EPHA6: variants seen among roughly 807,000 people sequenced by gnomAD.
The protein encoded by EPHA6 is ephrin type-A receptor 6.
Under a neutral mutation model 112.0 loss-of-function variants are expected in EPHA6, and 50 were observed. The observed-to-expected ratio is 0.45, with a 90% CI of 0.36 to 0.56. The LOEUF is 0.56. Ranked by LOEUF, EPHA6 falls within the 20% of genes least tolerant of loss-of-function variation. The pLI is 0.00. For missense variants in EPHA6, 1,280 were observed against 1,417.4 expected (o/e 0.90, Z 1.56); for synonymous variants, 529 against 490.7 (o/e 1.08, Z -1.03).
chr3:97,087,937 A>G (rs1295117159), intron 3 of EPHA6, among the ~76,000 whole-genome samples: 4 of 152,036 alleles, frequency 2.6e-5, no homozygotes, highest in African/African-American at 9.7e-5. Flanking sequence ...TAATCCTAAC[A>G]CTTTGGGAGG....
chr3:97,273,266 A>C (rs1181037885), intron 5 of EPHA6, among the ~76,000 whole-genome samples: 1 of 152,192 alleles, frequency 6.6e-6, no homozygotes, highest in Non-Finnish European at 1.5e-5. Context: ...ATTTACTTTA[A>C]GTGTTAAGAG....
chr3:97,319,305 A>C (rs2081990554), intron 5 of EPHA6, among the ~76,000 whole-genome samples: 1 of 151,638 alleles, frequency 6.6e-6, no homozygotes, highest in South Asian at 2.1e-4. Context: ...CCTTTTCAGC[A>C]TTGACATGGC....
chr3:97,509,406 G>T (rs193194037), intron 10 of EPHA6, among the ~76,000 whole-genome samples: 2 of 152,172 alleles, frequency 1.3e-5, no homozygotes, highest in African/African-American at 4.8e-5. Flanking sequence ...CTCAGCGTTT[G>T]CTTGTCTGTA....
chr3:97,680,910 G>GA (rs2031810095), intron 14 of EPHA6, among the ~76,000 whole-genome samples: 1 of 152,128 alleles, frequency 6.6e-6, no homozygotes, highest in African/African-American at 2.4e-5. Context: ...CTTTTGTAAT[G>GA]AAAATCTATC....
At chr3:96,920,644 T>C (rs889835180) in intron 2 of EPHA6, among the ~76,000 whole-genome samples, 7 of 147,758 alleles carry the variant, frequency 4.7e-5, no homozygotes, top group Admixed American at 4.0e-4. Flanking sequence ...GTAAGGATTG[T>C]GTGTGTGTGT....
intron 1 of EPHA6, among the ~76,000 whole-genome samples, chr3:96,841,725 A>AT (rs11388996): frequency 0.25 from 38,222 of 151,856 alleles, 9,007 homozygotes; most frequent in African/African-American, 0.6. Context: ...AACTTTTGTC[A>AT]TTTTTTTCTA....
intron 3 of EPHA6, among the ~76,000 whole-genome samples, chr3:97,141,454 C>A (rs1172304290): frequency 6.6e-6 from 1 of 151,562 alleles, no homozygotes; most frequent in Non-Finnish European, 1.5e-5. Flanking sequence ...TCAATAAAAT[C>A]AAAAAAATAA....
chr3:97,616,114 A>C (rs1231979453), intron 13 of EPHA6, among the ~76,000 whole-genome samples: 2 of 152,178 alleles, frequency 1.3e-5, no homozygotes, highest in African/African-American at 4.8e-5. Flanking sequence ...GAGCTCACAG[A>C]GGAAGGGCCA....
chr3:97,467,875 T>TA (rs957350089), intron 7 of EPHA6, among the ~76,000 whole-genome samples: 17 of 151,418 alleles, frequency 1.1e-4, no homozygotes, highest in East Asian at 1.9e-4. Context: ...TCTCTTAAAA[T>TA]AAAAAAAAGT....
intron 1 of EPHA6, among the ~76,000 whole-genome samples, chr3:96,824,024 G>C (rs1348279302): frequency 6.6e-6 from 1 of 151,794 alleles, no homozygotes; most frequent in Non-Finnish European, 1.5e-5. Flanking sequence ...TTGTCTTACT[G>C]TGTTATGGTA....
chr3:97,431,213 T>G (rs1460366034), intron 6 of EPHA6, among the ~76,000 whole-genome samples: 1 of 152,150 alleles, frequency 6.6e-6, no homozygotes, highest in Non-Finnish European at 1.5e-5. Flanking sequence ...TTTTCACATA[T>G]GTGTATATTT....
chr3:97,429,996 C>G (rs561470540), intron 6 of EPHA6, among the ~76,000 whole-genome samples: 3 of 152,278 alleles, frequency 2.0e-5, no homozygotes, highest in Admixed American at 6.5e-5. Context: ...CTAAGCCAGA[C>G]AAGCTTCCAA....
At chr3:97,266,458 CATGATTTAAAGAGG>C (rs2079687027) in intron 5 of EPHA6, among the ~76,000 whole-genome samples, 1 of 151,770 alleles carries the variant, frequency 6.6e-6, no homozygotes, top group South Asian at 2.1e-4. Flanking sequence ...TTCACATGAG[CATGATTTAAAGAGG>C]ATCTCATGTT....
chr3:97,759,407 A>C lies in EPHA6; in HGVS notation c.*10706A>C, dbSNP rs1300412357. 4.4e-6 allele frequency: 1 copy of C among 226,080 alleles called. No individual in the cohort carries two copies. The highest frequency in any genetic ancestry group is 5.7e-5 in the Admixed American group (1 of 17,534). The allele number at this position is 226,080 out of a possible 1,614,324, so 14.0% of individuals were successfully genotyped here. On this transcript the variant is annotated 3_prime_UTR_variant, in exon 18 of 18. Transcript: ENST00000389672. The stretch of plus-strand genomic sequence containing the variant: ...GCTTTGATGTAAAGGGAGCAAGAGA[A>C]ATAGGATAATAGCTGGAGAAAGGAA...
chr3:97,334,636 T>C (rs1172746007), intron 5 of EPHA6, among the ~76,000 whole-genome samples: 1 of 151,988 alleles, frequency 6.6e-6, no homozygotes, highest in African/African-American at 2.4e-5. Flanking sequence ...TGTGTCACCA[T>C]GCCCAGATAA....
intron 3 of EPHA6, among the ~76,000 whole-genome samples, chr3:96,989,198 G>T (rs1279687873): frequency 6.6e-6 from 1 of 152,060 alleles, no homozygotes; most frequent in Non-Finnish European, 1.5e-5. Context: ...AATGGTCATG[G>T]ATAATATATG....
At chr3:97,432,337 G>A (rs1014378328) in intron 6 of EPHA6, among the ~76,000 whole-genome samples, 11 of 152,068 alleles carry the variant, frequency 7.2e-5, no homozygotes, top group African/African-American at 1.2e-4. Flanking sequence ...ATTTAATTAC[G>A]TTCACAACAG....
At chr3:96,894,132 T>C (rs2038132368) in intron 2 of EPHA6, among the ~76,000 whole-genome samples, 2 of 152,076 alleles carry the variant, frequency 1.3e-5, no homozygotes, top group East Asian at 1.9e-4. Context: ...GGGCTACATA[T>C]TGAATTCATT....
At chr3:97,217,317 G>A (rs77459482) in intron 3 of EPHA6, among the ~76,000 whole-genome samples, 1 of 152,032 alleles carries the variant, frequency 6.6e-6, no homozygotes, top group East Asian at 1.9e-4. Context: ...ATTCAACAAA[G>A]AAGATAAAAC....
Sources: gnomAD v4.1 joint callset for allele counts (sites outside exome capture counted in the v4.1 genomes callset) on GRCh38, gnomAD v4.1.1 for gene constraint, MANE v1.5 for transcripts, NCBI Gene and HGNC (gene_info 2026-07-23, HGNC 2026-07-21) for gene names.